XPNPEP1: variants seen among roughly 807,000 people sequenced by gnomAD.
XPNPEP1 encodes xaa-Pro aminopeptidase 1.
Under a neutral mutation model 92.4 loss-of-function variants are expected in XPNPEP1, and 39 were observed. The observed-to-expected ratio is 0.42, with a 90% CI of 0.33 to 0.55. XPNPEP1 has a LOEUF of 0.55. XPNPEP1 is among the 20% of genes least tolerant of loss of function. The pLI is 0.08. For synonymous variants in XPNPEP1, 307 were observed against 299.4 expected, an observed-to-expected ratio of 1.03 and a Z score of -0.26; for missense variants, 654 against 856.1, an observed-to-expected ratio of 0.76 and a Z score of 2.95.
At chr10:109,873,551 G>T in intron 15 of XPNPEP1, 124 bp from the exon 16 acceptor site, 1 of 1,119,248 alleles carries the variant, frequency 8.9e-7, no homozygotes, top group Non-Finnish European at 1.3e-6. Flanking sequence ...AAATAGCACA[G>T]CCATCTTTGC....
chr10:109,916,381 G>T (rs1850193886), intron 1 of XPNPEP1, among the ~76,000 whole-genome samples: 1 of 152,208 alleles, frequency 6.6e-6, no homozygotes, highest in Non-Finnish European at 1.5e-5. Flanking sequence ...CAGGGGATGG[G>T]GAGGTAAGTG....
At chr10:109,884,219 G>C (rs1331591676) in intron 8 of XPNPEP1, 71 bp from the exon 9 acceptor site, 2 of 1,468,030 alleles carry the variant, frequency 1.4e-6, no homozygotes, top group Non-Finnish European at 1.9e-6. Context: ...TAGCGGGAGG[G>C]AAGAGCTTCA....
At chr10:109,885,830 C>G (rs1848358657) in intron 8 of XPNPEP1, among the ~76,000 whole-genome samples, 1 of 152,170 alleles carries the variant, frequency 6.6e-6, no homozygotes, top group African/African-American at 2.4e-5. Flanking sequence ...TCCTAGTTTT[C>G]TGAGGTAGAA....
At chr10:109,915,949 T>G (rs1341707749) in intron 1 of XPNPEP1, among the ~76,000 whole-genome samples, 2 of 152,144 alleles carry the variant, frequency 1.3e-5, no homozygotes. Context: ...TCTTCCATAA[T>G]CCAGGCCCTA....
intron 19 of XPNPEP1, among the ~76,000 whole-genome samples, chr10:109,869,605 CA>C (rs1207031620): frequency 1.3e-5 from 2 of 152,184 alleles, no homozygotes; most frequent in African/African-American, 4.8e-5. Flanking sequence ...GAAGAGACAA[CA>C]GGCCGCCTAT....
chr10:109,870,440 TA>T (rs200539044), intron 18 of XPNPEP1, among the ~76,000 whole-genome samples: 5 of 149,822 alleles, frequency 3.3e-5, no homozygotes, highest in Non-Finnish European at 3.0e-5. Flanking sequence ...CTCAATGATT[TA>T]AAAAAAAAAT....
chr10:109,877,776 T>G lies in XPNPEP1; in HGVS notation c.1319+14A>C. ...GCAGCAAGGCCAGGCAGCATGCTCC[T>G]CCGCATGCCTTACGCGTAGTGAATG... On this transcript the variant is annotated intron_variant, in intron 14 of 20. Coordinates refer to ENST00000502935, the MANE Select transcript of XPNPEP1 (RefSeq NM_020383.4). 1.2e-6 allele frequency: 2 copies of G among 1,614,212 alleles called. No individual in the cohort carries two copies. The highest frequency in any genetic ancestry group is 1.7e-6 in the Non-Finnish European group (2 of 1,180,026).
chr10:109,893,872 A>C (rs116046641), intron 3 of XPNPEP1: 1 of 152,396 alleles, frequency 6.6e-6, no homozygotes, highest in African/African-American at 2.4e-5. Flanking sequence ...AGTCAACTCC[A>C]GAGTCTGGAC....
intron 1 of XPNPEP1, among the ~76,000 whole-genome samples, chr10:109,919,839 C>A (rs1023300825): frequency 6.6e-6 from 1 of 152,172 alleles, no homozygotes; most frequent in Admixed American, 6.5e-5. Context: ...AGAGACCATC[C>A]TGGCCAACAT....
intron 2 of XPNPEP1, among the ~76,000 whole-genome samples, chr10:109,908,758 A>C (rs1006300456): frequency 6.6e-6 from 1 of 152,230 alleles, no homozygotes; most frequent in Non-Finnish European, 1.5e-5. Context: ...ATTTGGAGTA[A>C]TTATTGTCTT....
chr10:109,883,869 TG>T, intron 9 of XPNPEP1, 197 bp downstream of exon 9: 1 of 524,438 alleles, frequency 1.9e-6, no homozygotes, highest in Non-Finnish European at 3.3e-6. Context: ...CAAACCATTT[TG>T]GGGGCTCAAA....
At chr10:109,907,119 A>G (rs1386630646) in intron 3 of XPNPEP1, among the ~76,000 whole-genome samples, 1 of 152,236 alleles carries the variant, frequency 6.6e-6, no homozygotes, top group East Asian at 1.9e-4. Flanking sequence ...CTGTACTTAT[A>G]GATGATTCTG....
chr10:109,877,877 A>G lies in XPNPEP1; in HGVS notation c.1242-10T>C. ...AAAGTCTGCCTGTTGCCTGTAACAG[A>G]AAGACAGAAAGCAGAGTGGCTTAAA... On this transcript the variant is annotated splice_polypyrimidine_tract_variant and intron_variant, in intron 13 of 20. Transcript: ENST00000502935. 6.2e-7 allele frequency: 1 copy of G among 1,614,054 alleles called. No individual in the cohort carries two copies. Among genetic ancestry groups the G allele is most frequent in the African/African-American group, 1.3e-5 (1 of 75,000 alleles).
At chr10:109,918,666 CAGG>C (rs1222113472) in intron 1 of XPNPEP1, among the ~76,000 whole-genome samples, 3 of 151,870 alleles carry the variant, frequency 2.0e-5, no homozygotes, top group African/African-American at 7.3e-5. Context: ...AAGGCTGAGG[CAGG>C]AGAATGGTGT....
At chr10:109,882,280 T>G in intron 10 of XPNPEP1, 152 bp downstream of exon 10, 3 of 827,792 alleles carry the variant, frequency 3.6e-6, no homozygotes, top group Non-Finnish European at 5.5e-6. Flanking sequence ...GCCCTCAGGC[T>G]CTTGCTATGG....
At chr10:109,870,427 G>A (rs1172412047) in intron 18 of XPNPEP1, among the ~76,000 whole-genome samples, 1 of 152,028 alleles carries the variant, frequency 6.6e-6, no homozygotes, top group Non-Finnish European at 1.5e-5. Flanking sequence ...TGCCCAGTAA[G>A]ATCTCAATGA....
chr10:109,871,401 C>G (rs1186184608), intron 17 of XPNPEP1, among the ~76,000 whole-genome samples: 1 of 152,190 alleles, frequency 6.6e-6, no homozygotes, highest in African/African-American at 2.4e-5. Context: ...AAGTCAGGGT[C>G]CCAGTAAAAT....
chr10:109,890,599 A>T (rs374310505), intron 5 of XPNPEP1, among the ~76,000 whole-genome samples: 25,735 of 96,888 alleles, frequency 0.27, 2,034 homozygotes, highest in African/African-American at 0.41. Context: ...TGTGTGAGAG[A>T]GAGAGAGAGA....
chr10:109,867,681 C>T lies in XPNPEP1; in HGVS notation c.1872+933G>A, dbSNP rs1847214739. Among the ~76,000 whole-genome samples, 1 of 152,224 alleles carries T rather than the reference C, an allele frequency of 6.6e-6. No homozygotes were observed. The highest frequency in any genetic ancestry group is 2.1e-4 in the South Asian group (1 of 4,832). ...GGCGCCAGTGAGGAAATGTTCCTGCCTTGAGAGGCACTCAAAGGCCATTGG... is the reference window on the plus strand; with the variant it reads ...GGCGCCAGTGAGGAAATGTTCCTGCTTTGAGAGGCACTCAAAGGCCATTGG... On this transcript the variant is annotated intron_variant, in intron 20 of 20. Transcript: ENST00000502935. This position sits in a 1 kb window ranked among gnomAD's most constrained non-coding sequence, Gnocchi z 4.5.
Sources: allele counts gnomAD v4.1 joint callset (sites outside exome capture counted in the v4.1 genomes callset), GRCh38; gene constraint gnomAD v4.1.1; non-coding constraint Gnocchi (gnomAD v3.1); transcripts MANE v1.5; gene names NCBI Gene and HGNC (gene_info 2026-07-23, HGNC 2026-07-21).